The following ZPBP variants were observed in gnomAD, a reference collection of about 807,000 sequenced individuals.
ZPBP encodes zona pellucida-binding protein 1.
In ZPBP, 26 loss-of-function variants were observed where a neutral mutation model predicts 44.8. The observed-to-expected ratio is 0.58, with a 90% CI of 0.43 to 0.81. ZPBP has a LOEUF of 0.81. ZPBP is among the 30% of genes least tolerant of loss of function. The probability of loss-of-function intolerance (pLI) is 0.00; values close to 1 mark genes in which losing one functional copy is unlikely to be tolerated. For missense variants in ZPBP, 409 were observed against 434.0 expected, an observed-to-expected ratio of 0.94 and a Z score of 0.51; for synonymous variants, 174 against 153.2, an observed-to-expected ratio of 1.14 and a Z score of -1.00.
chr7:49,999,926 C>G (rs1366027810), intron 6 of ZPBP, among the ~76,000 whole-genome samples: 3 of 152,032 alleles, frequency 2.0e-5, no homozygotes, highest in Non-Finnish European at 4.4e-5. Flanking sequence ...GATCTTTCTT[C>G]TCGCCAAATT....
chr7:49,870,183 G>A (rs1791084508), intron 2 of ZPBP, among the ~76,000 whole-genome samples: 1 of 152,088 alleles, frequency 6.6e-6, no homozygotes, highest in Non-Finnish European at 1.5e-5. Flanking sequence ...GGCGGATCAC[G>A]AGGTCAGGAG....
At chr7:49,861,278 T>A (rs535325971) in intron 2 of ZPBP, among the ~76,000 whole-genome samples, 1 of 152,364 alleles carries the variant, frequency 6.6e-6, no homozygotes, top group South Asian at 2.1e-4. Context: ...TGGGCATTTT[T>A]TCATGTGCTT....
At chr7:49,976,519 T>A (rs2128773582) in intron 7 of ZPBP, among the ~76,000 whole-genome samples, 1 of 152,264 alleles carries the variant, frequency 6.6e-6, no homozygotes, top group Non-Finnish European at 1.5e-5. Flanking sequence ...CCCCCTTCTA[T>A]CCATGATAGA....
chr7:49,886,265 G>C (rs550346958), intron 2 of ZPBP, among the ~76,000 whole-genome samples: 9 of 152,290 alleles, frequency 5.9e-5, no homozygotes, highest in African/African-American at 2.2e-4. Context: ...ATCACTTTTA[G>C]TAAAAGTCCT....
the ZPBP span, among the ~76,000 whole-genome samples, chr7:49,843,809 T>C: frequency 3.7e-4 from 57 of 152,204 alleles, no homozygotes; most frequent in African/African-American, 1.2e-3. Flanking sequence ...TGGGCACTGA[T>C]GTGATGACAG....
intron 1 of ZPBP, among the ~76,000 whole-genome samples, chr7:49,927,544 CCT>C (rs968554626): frequency 7.2e-5 from 11 of 152,118 alleles, no homozygotes; most frequent in Admixed American, 3.3e-4. Context: ...ACTATGACCT[CCT>C]TACAATATTC....
downstream of ZPBP, chr7:49,936,163 T>G (rs1431291653): frequency 6.6e-6 from 1 of 152,230 alleles, no homozygotes; most frequent in African/African-American, 2.4e-5. Flanking sequence ...AATACATGTG[T>G]TAGCAATTTT....
At chr7:49,874,869 C>T (rs964426814) in intron 2 of ZPBP, among the ~76,000 whole-genome samples, 4 of 151,992 alleles carry the variant, frequency 2.6e-5, no homozygotes, top group African/African-American at 9.7e-5. Flanking sequence ...AGAGTATGGC[C>T]AGAACCTGCC....
intron 7 of ZPBP, among the ~76,000 whole-genome samples, chr7:49,980,559 C>G (rs934343946): frequency 3.3e-5 from 5 of 151,548 alleles, no homozygotes; most frequent in African/African-American, 1.2e-4. Flanking sequence ...CTGCTTCCAC[C>G]CATGGCAGAA....
intron 3 of ZPBP, among the ~76,000 whole-genome samples, chr7:50,065,180 T>C (rs929436114): frequency 2.2e-5 from 3 of 138,282 alleles, no homozygotes; most frequent in African/African-American, 8.3e-5. Context: ...AAACTGGATA[T>C]CTTAAGAGTT....
chr7:50,063,000 G>T (rs1256275516), intron 3 of ZPBP, among the ~76,000 whole-genome samples: 1 of 151,656 alleles, frequency 6.6e-6, no homozygotes, highest in Non-Finnish European at 1.5e-5. Flanking sequence ...GGAGATCAAT[G>T]CAGGGGGAAG....
chr7:49,977,913 G>A (rs1338144899), intron 7 of ZPBP, among the ~76,000 whole-genome samples: 1 of 152,106 alleles, frequency 6.6e-6, no homozygotes, highest in Non-Finnish European at 1.5e-5. Flanking sequence ...GTAGATGTCT[G>A]ATTCCTAAAC....
chr7:49,970,018 C>A (rs1272539847), intron 7 of ZPBP, among the ~76,000 whole-genome samples: 2 of 52,508 alleles, frequency 3.8e-5, no homozygotes, highest in Non-Finnish European at 7.3e-5. Flanking sequence ...CACCACCACT[C>A]CCAGCTAATT....
intron 7 of ZPBP, among the ~76,000 whole-genome samples, chr7:49,968,742 CATAAT>C (rs1796162509): frequency 6.6e-6 from 1 of 151,972 alleles, no homozygotes; most frequent in South Asian, 2.1e-4. Context: ...CAATTACACT[CATAAT>C]ATCACAGCTA....
chr7:49,924,106 G>C (rs1414386931), intron 1 of ZPBP, among the ~76,000 whole-genome samples: 2 of 151,722 alleles, frequency 1.3e-5, no homozygotes, highest in African/African-American at 2.4e-5. Flanking sequence ...CTAGGTGACA[G>C]AGCGAGACTC....
At chr7:50,074,935 T>C (rs968135100) in intron 3 of ZPBP, among the ~76,000 whole-genome samples, 1 of 151,898 alleles carries the variant, frequency 6.6e-6, no homozygotes, top group Admixed American at 6.6e-5. Flanking sequence ...TAGACATTTA[T>C]AGACCATTTC....
chr7:49,898,748 T>C (rs1792535603), intron 2 of ZPBP, among the ~76,000 whole-genome samples: 1 of 152,078 alleles, frequency 6.6e-6, no homozygotes, highest in African/African-American at 2.4e-5. Context: ...GATACTCTCA[T>C]TACCCACAAA....
intron 2 of ZPBP, among the ~76,000 whole-genome samples, chr7:49,891,723 C>T (rs1792137268): frequency 6.6e-6 from 1 of 152,212 alleles, no homozygotes; most frequent in African/African-American, 2.4e-5. Flanking sequence ...TCTGCTACAG[C>T]TGAAAGTACA....
chr7:50,001,572 C>G (rs1332666362), intron 6 of ZPBP, among the ~76,000 whole-genome samples: 1 of 152,102 alleles, frequency 6.6e-6, no homozygotes, highest in African/African-American at 2.4e-5. Context: ...GGGACAGCCA[C>G]TTGATAAAAA....
Sources: allele counts gnomAD v4.1 joint callset (sites outside exome capture counted in the v4.1 genomes callset), GRCh38; gene constraint gnomAD v4.1.1; transcripts MANE v1.5; gene names NCBI Gene and HGNC (gene_info 2026-07-23, HGNC 2026-07-21).